Variants in TCF15 observed in about 807,000 individuals in gnomAD.
TCF15 encodes TCF-15.
In TCF15, 7 loss-of-function variants were observed where a neutral mutation model predicts 11.1. The ratio of observed to expected loss-of-function variants is 0.63; its 90% CI spans 0.36 to 1.19. The LOEUF (loss-of-function observed/expected upper bound fraction) is 1.19. Among genes scored for constraint, TCF15 ranks in the 50% most tolerant of loss-of-function variants. The probability of loss-of-function intolerance (pLI) is 0.02; values close to 1 mark genes in which losing one functional copy is unlikely to be tolerated. For missense variants in TCF15, 288 were observed against 289.4 expected (o/e 1.00, Z 0.03); for synonymous variants, 144 against 138.9 (o/e 1.04, Z -0.26).
At chr20:605,177 C>CT (rs1264823327) in intron 1 of TCF15, among the ~76,000 whole-genome samples, 5 of 152,142 alleles carry the variant, frequency 3.3e-5, no homozygotes, top group Non-Finnish European at 7.3e-5. Context: ...TCACGCTATA[C>CT]TTTTTTACCT....
chr20:607,939 G>A (rs2086535428), intron 1 of TCF15, among the ~76,000 whole-genome samples: 1 of 152,190 alleles, frequency 6.6e-6, no homozygotes, highest in Non-Finnish European at 1.5e-5. Context: ...TGCTCATGAA[G>A]GCTGCTGTCA....
Position 608,445 on chromosome 20 carries a change from G to C in TCF15, c.525+1268C>G, listed in dbSNP as rs1014408642. Among the ~76,000 whole-genome samples the C allele has an allele frequency of 2.2e-4, 33 of 152,342 alleles. 1 individual carries two copies. Among genetic ancestry groups the C allele is most frequent in the African/African-American group, 7.2e-4 (30 of 41,590 alleles). ...CAGGAAGCCTTAAAGGCCCACTCCT[G>C]GCTTCTCAGCCCAGCCTGGGGCACT... On this transcript the variant is annotated intron_variant, in intron 1 of 1. Coordinates refer to ENST00000246080, the MANE Select transcript of TCF15 (RefSeq NM_004609.4).
At chr20:607,713 G>C (rs141360398) in intron 1 of TCF15, among the ~76,000 whole-genome samples, 54 of 152,282 alleles carry the variant, frequency 3.5e-4, no homozygotes, top group Admixed American at 3.9e-4. Flanking sequence ...TGCTTGCTAT[G>C]GGGGTGGACA....
intron 1 of TCF15, among the ~76,000 whole-genome samples, chr20:606,397 G>C (rs1016082171): frequency 1.3e-5 from 2 of 152,134 alleles, no homozygotes; most frequent in African/African-American, 4.8e-5. Context: ...AAGAATGCTG[G>C]GACTGTTCAC....
rs771934514 is a variant in TCF15 at position 609,881 on chromosome 20, G to A, written c.357C>T (p.Ser119=). The part of the protein sequence containing the change: ...SKIETVRLAS[S]YIAHLANVLL... Reference sequence around the variant, plus strand: ...GCACGTTGGCCAGGTGCGCGATGTAGCTGGACGCCAGGCGCACGGTCTCGA... The same window carrying A: ...GCACGTTGGCCAGGTGCGCGATGTAACTGGACGCCAGGCGCACGGTCTCGA... Residue 119 remains serine, a synonymous_variant, in exon 1 of 2, where the codon AGC becomes AGT. Coordinates refer to ENST00000246080, the MANE Select transcript of TCF15 (RefSeq NM_004609.4). This position sits in a 1 kb window ranked among gnomAD's most constrained non-coding sequence, Gnocchi z 4.7. 29 of 1,527,948 alleles carry A rather than the reference G, an allele frequency of 1.9e-5. No homozygotes were observed. In the South Asian group the frequency reaches 3.5e-4, roughly 19 times the overall value. 94.6% of individuals were successfully genotyped at this position (1,527,948 alleles called of 1,614,324 possible). A position where few individuals can be genotyped will look rare whatever the true frequency, so the allele number is the denominator to read the frequency against.
In TCF15 at chr20:609,648, C is replaced by T. The variant is rs2020005011; in HGVS notation, c.525+65G>A. The stretch of plus-strand genomic sequence containing the variant: ...GGGACCCCTGCACCTCTCCGGTTCC[C>T]GCAGAGGCGCTGCCCCCCGCCTACC... On this transcript the variant is annotated intron_variant, in intron 1 of 1. Coordinates refer to ENST00000246080, the MANE Select transcript of TCF15 (RefSeq NM_004609.4). This position sits in a 1 kb window ranked among gnomAD's most constrained non-coding sequence, Gnocchi z 4.7. 7.6e-7 allele frequency: 1 copy of T among 1,312,422 alleles called. No homozygotes were observed. The allele number at this position is 1,312,422 out of a possible 1,614,324, so 81.3% of individuals were successfully genotyped here.
At chr20:606,679 G>A (rs2019978062) in intron 1 of TCF15, among the ~76,000 whole-genome samples, 1 of 152,116 alleles carries the variant, frequency 6.6e-6, no homozygotes, top group South Asian at 2.1e-4. Flanking sequence ...TTAGCCAGGT[G>A]TGGTGGCTGG....
Position 610,289 on chromosome 20 carries a change from C to A in TCF15, c.-52G>T, listed in dbSNP as rs2020015124. Reference sequence around the variant, plus strand: ...CCGCGTCCCAGCGTCGGCCGCGCCCCGCCGTGCGCTCCCGCGCGCTCCCAC... The same window carrying A: ...CCGCGTCCCAGCGTCGGCCGCGCCCAGCCGTGCGCTCCCGCGCGCTCCCAC... On this transcript the variant is annotated 5_prime_UTR_variant, in exon 1 of 2. Coordinates refer to ENST00000246080, the MANE Select transcript of TCF15 (RefSeq NM_004609.4). The A allele has an allele frequency of 6.1e-6, 6 of 986,618 alleles. No homozygotes were observed. The highest frequency in any genetic ancestry group is 4.5e-5 in the South Asian group (1 of 22,002). The allele number at this position is 986,618 out of a possible 1,614,324, so 61.1% of individuals were successfully genotyped here.
At chr20:607,050 A>G (rs534584469) in intron 1 of TCF15, among the ~76,000 whole-genome samples, 1 of 152,334 alleles carries the variant, frequency 6.6e-6, no homozygotes, top group South Asian at 2.1e-4. Flanking sequence ...AGGATCACAC[A>G]AGCTAATCTA....
At chr20:606,686 CTG>C (rs2019978194) in intron 1 of TCF15, among the ~76,000 whole-genome samples, 1 of 152,060 alleles carries the variant, frequency 6.6e-6, no homozygotes, top group Non-Finnish European at 1.5e-5. Flanking sequence ...GGTGTGGTGG[CTG>C]GCACCTGTAA....
At position 609,769 on chromosome 20, in the gene TCF15, C is replaced by A. The variant is rs114812106; in HGVS notation, c.469G>T (p.Gly157Cys). 7.1e-6 allele frequency: 10 copies of A among 1,408,286 alleles called. No homozygotes were observed. Among genetic ancestry groups the A allele is most frequent in the African/African-American group, 6.1e-5 (4 of 66,082 alleles). The allele number at this position is 1,408,286 out of a possible 1,614,324, so 87.2% of individuals were successfully genotyped here. A position where few individuals can be genotyped will look rare whatever the true frequency, so the allele number is the denominator to read the frequency against. ...AKGAVPAAAD[G>C]GRQPRSICTF... is the part of the protein sequence containing the mutation. ...CAGATGGAGCGCGGCTGGCGGCCGC[C>A]GTCGGCGGCGGCGGGGACGGCGCCC... The change falls in exon 1 of 2, where the codon GGC (glycine) becomes TGC (cysteine). Residue 157 changes from glycine to cysteine, a missense_variant. Transcript: ENST00000246080. This position sits in a 1 kb window ranked among gnomAD's most constrained non-coding sequence, Gnocchi z 4.7.
rs1431950074 is a variant in TCF15 at position 604,644 on chromosome 20, C to T, written c.547G>A (p.Gly183Ser). ...RKGGGRRDLG[G>S]SCLKVRGVAP... is the part of the protein sequence containing the mutation. Reference sequence around the variant, plus strand: ...ACCCCCCTCACCTTCAAGCAGCTGCCCCCCAGGTCACGACGGCCACCCTGC... The same window carrying T: ...ACCCCCCTCACCTTCAAGCAGCTGCTCCCCAGGTCACGACGGCCACCCTGC... The change falls in exon 2 of 2, where the codon GGC becomes AGC. Residue 183 changes from glycine to serine, a missense_variant. Transcript: ENST00000246080. This position sits in a 1 kb window ranked among gnomAD's most constrained non-coding sequence, Gnocchi z 4.2. The T allele has an allele frequency of 2.6e-6, 4 of 1,553,666 alleles. No individual in the cohort carries two copies. The highest frequency in any genetic ancestry group is 3.5e-6 in the Non-Finnish European group (4 of 1,148,020).
chr20:609,763 G>A lies in TCF15; in HGVS notation c.475C>T (p.Arg159Cys). Reference protein sequence around the residue: ...GAVPAAADGGRQPRSICTFCL... With the variant: ...GAVPAAADGGCQPRSICTFCL... ...AAGGTGCAGATGGAGCGCGGCTGGC[G>A]GCCGCCGTCGGCGGCGGCGGGGACG... is the stretch of plus-strand genomic sequence containing the variant. The change falls in exon 1 of 2, where the codon CGC (arginine) becomes TGC (cysteine). Residue 159 changes from arginine (R) to cysteine (C), a missense_variant. By Grantham distance (180) the Arg-to-Cys change is radical. Transcript: ENST00000246080. This position sits in a 1 kb window ranked among gnomAD's most constrained non-coding sequence, Gnocchi z 4.7. 1.4e-6 allele frequency: 2 copies of A among 1,404,504 alleles called. No homozygotes were observed. The highest frequency in any genetic ancestry group is 3.5e-5 in the Admixed American group (1 of 28,516). The allele number at this position is 1,404,504 out of a possible 1,614,324, so 87.0% of individuals were successfully genotyped here. A position where few individuals can be genotyped will look rare whatever the true frequency, so the allele number is the denominator to read the frequency against.
intron 1 of TCF15, among the ~76,000 whole-genome samples, chr20:606,887 T>C (rs1341067530): frequency 6.8e-6 from 1 of 147,898 alleles, no homozygotes; most frequent in Non-Finnish European, 1.5e-5. Context: ...GCACCAAGGG[T>C]CTTCGGGAAG....
In TCF15 at chr20:609,431, T is replaced by C. The variant is rs899665457; in HGVS notation, c.525+282A>G. 1.3e-5 allele frequency among the ~76,000 whole-genome samples: 2 copies of C among 152,216 alleles called. No individual in the cohort carries two copies. The highest frequency in any genetic ancestry group is 2.4e-5 in the African/African-American group (1 of 41,472). ...TTTGTTACTCAGTCCTCATGCCGTC[T>C]TCCCAGCAGGAAGGAAGTTCCAGCA... is the stretch of plus-strand genomic sequence containing the variant. On this transcript the variant is annotated intron_variant, in intron 1 of 1. Coordinates refer to ENST00000246080, the MANE Select transcript of TCF15 (RefSeq NM_004609.4). This position sits in a 1 kb window ranked among gnomAD's most constrained non-coding sequence, Gnocchi z 4.7.
Position 610,006 on chromosome 20 carries a change from TG to T in TCF15, c.231del (p.Asn78ThrfsTer11). 1 of 1,330,932 alleles carries T rather than the reference TG, an allele frequency of 7.5e-7. No individual in the cohort carries two copies. The highest frequency in any genetic ancestry group is 2.0e-5 in the South Asian group (1 of 49,980). The allele number at this position is 1,330,932 out of a possible 1,614,324, so 82.4% of individuals were successfully genotyped here. A position where few individuals can be genotyped will look rare whatever the true frequency, so the allele number is the denominator to read the frequency against. On this transcript the variant is annotated frameshift_variant, in exon 1 of 2. Coordinates refer to ENST00000246080, the MANE Select transcript of TCF15 (RefSeq NM_004609.4). LOFTEE classifies it high-confidence loss of function. ...TGAGTGCGGTCCCGCTCCCGCGCGT[TG>T]GCCGCCTGCCGCTGTCGCACCACCA... ...PVVVVRQRQA[A>X]NARERDRTQS...
chr20:605,528 A>T (rs577118832), intron 1 of TCF15, among the ~76,000 whole-genome samples: 43 of 152,330 alleles, frequency 2.8e-4, no homozygotes, highest in Admixed American at 2.8e-3. Context: ...TTGTCTCCCC[A>T]TCTGGACTGG....
In TCF15 at chr20:604,552, C is replaced by A. The variant is rs1398053460; in HGVS notation, c.*39G>T. The A allele has an allele frequency of 1.6e-5, 25 of 1,536,528 alleles. No homozygotes were observed. The highest frequency in any genetic ancestry group is 2.0e-5 in the Non-Finnish European group (23 of 1,133,876). The stretch of plus-strand genomic sequence containing the variant: ...CCTGGGGTCTTCTTCCCTGTCCAGC[C>A]AGTGGCTGGCTCCTGGCCTCCTTCT... On this transcript the variant is annotated 3_prime_UTR_variant, in exon 2 of 2. Coordinates refer to ENST00000246080, the MANE Select transcript of TCF15 (RefSeq NM_004609.4). This position sits in a 1 kb window ranked among gnomAD's most constrained non-coding sequence, Gnocchi z 4.2.
chr20:605,028 G>C (rs2019960978), intron 1 of TCF15, among the ~76,000 whole-genome samples: 1 of 152,092 alleles, frequency 6.6e-6, no homozygotes, highest in African/African-American at 2.4e-5. Context: ...GTCTTGCTCT[G>C]TTGCCAGGCT....
Sources: allele counts gnomAD v4.1 joint callset (sites outside exome capture counted in the v4.1 genomes callset), GRCh38; gene constraint gnomAD v4.1.1; non-coding constraint Gnocchi (gnomAD v3.1); transcripts MANE v1.5; gene names NCBI Gene and HGNC (gene_info 2026-07-23, HGNC 2026-07-21).